Variants in PLEKHG1 observed in about 807,000 individuals in gnomAD.
The protein encoded by PLEKHG1 is pleckstrin homology and RhoGEF domain containing G1.
A neutral mutation model predicts 100.8 loss-of-function variants in PLEKHG1; 44 were observed. That is an observed-to-expected ratio of 0.44 (90% CI 0.34 to 0.56). The LOEUF (loss-of-function observed/expected upper bound fraction) is 0.56, where lower values mean the gene tolerates loss of function less well. Ranked by LOEUF, PLEKHG1 falls within the 20% of genes least tolerant of loss-of-function variation. PLEKHG1 has a pLI of 0.01. For synonymous variants in PLEKHG1, 640 were observed against 662.5 expected (o/e 0.97, Z 0.52); for missense variants, 1,545 against 1,720.9 (o/e 0.90, Z 1.81).
chr6:150,724,558 CTTT>C (rs34140367), intron 1 of PLEKHG1, among the ~76,000 whole-genome samples: 169 of 100,462 alleles, frequency 1.7e-3, no homozygotes, highest in African/African-American at 2.9e-3. Flanking sequence ...TTTTCTTTTT[CTTT>C]TTTTTTTTTT....
chr6:150,659,933 A>G (rs561771847), intron 3 of PLEKHG1, among the ~76,000 whole-genome samples: 1 of 152,320 alleles, frequency 6.6e-6, no homozygotes, highest in East Asian at 1.9e-4. Flanking sequence ...ACTACTCACA[A>G]ACTTTTTTGA....
At chr6:150,616,939 T>C (rs1777098431) in intron 1 of PLEKHG1, among the ~76,000 whole-genome samples, 1 of 152,230 alleles carries the variant, frequency 6.6e-6, no homozygotes, top group African/African-American at 2.4e-5. Context: ...TCTAGAATTA[T>C]GACCTCAATT....
At chr6:150,711,495 C>T (rs566322848) in intron 3 of PLEKHG1, among the ~76,000 whole-genome samples, 6 of 152,214 alleles carry the variant, frequency 3.9e-5, no homozygotes, top group East Asian at 1.9e-4. Context: ...AGGGTATGAT[C>T]GATGATTTGT....
At position 150,683,869 on chromosome 6, in the gene PLEKHG1, G is replaced by A; in HGVS notation, c.-99+33083G>A. Reference sequence around the variant, plus strand: ...GAGTGAAATATGGGAATATTGAAGGGGCCTGGGATGGAGGTAAGATGGAGC... The same window carrying A: ...GAGTGAAATATGGGAATATTGAAGGAGCCTGGGATGGAGGTAAGATGGAGC... On this transcript the variant is annotated intron_variant, in intron 3 of 3. Coordinates refer to the PLEKHG1 transcript ENST00000367326. The surrounding 1 kb of genome is among the most constrained non-coding windows in gnomAD (Gnocchi z 4.0). 1 of 1,242,008 alleles carries A rather than the reference G, an allele frequency of 8.1e-7. No individual in the cohort carries two copies. The highest frequency in any genetic ancestry group is 1.1e-6 in the Non-Finnish European group (1 of 951,512). The allele number at this position is 1,242,008 out of a possible 1,614,324, so 76.9% of individuals were successfully genotyped here.
intron 14 of PLEKHG1, chr6:150,827,817 A>C: frequency 2.1e-6 from 3 of 1,415,972 alleles, no homozygotes; most frequent in Non-Finnish European, 3.0e-6. Flanking sequence ...TGAAGATATG[A>C]CTTTGGAAGA....
In PLEKHG1 at chr6:150,827,541, G is replaced by T. The variant is rs370919489; in HGVS notation, c.1471-3041G>T. The T allele has an allele frequency of 1.2e-3, 700 of 588,524 alleles. 12 individuals are homozygous for T. The highest frequency in any genetic ancestry group is 0.012 in the South Asian group (625 of 53,912). 36.5% of individuals were successfully genotyped at this position (588,524 alleles called of 1,614,324 possible). A position where few individuals can be genotyped will look rare whatever the true frequency, so the allele number is the denominator to read the frequency against. ...TTCGCCCGCCTCTGCCTTCCAAAGT[G>T]CTGGGATTACAGGCGTGAGCCACTG... is the stretch of plus-strand genomic sequence containing the variant. On this transcript the variant is annotated intron_variant, in intron 14 of 15. Transcript: ENST00000358517.
At chr6:150,823,100 G>A (rs1776396264) in intron 13 of PLEKHG1, among the ~76,000 whole-genome samples, 5 of 152,196 alleles carry the variant, frequency 3.3e-5, no homozygotes, top group Admixed American at 3.3e-4. Flanking sequence ...GATCTGTGGA[G>A]AGGGAAGGAC....
intron 3 of PLEKHG1, among the ~76,000 whole-genome samples, chr6:150,675,419 C>T (rs1779722252): frequency 6.6e-6 from 1 of 152,220 alleles, no homozygotes; most frequent in Non-Finnish European, 1.5e-5. Flanking sequence ...CACACATGCT[C>T]ATCCATTCTT....
chr6:150,601,594 C>G (rs1188805097), intron 1 of PLEKHG1, among the ~76,000 whole-genome samples: 1 of 152,138 alleles, frequency 6.6e-6, no homozygotes, highest in Non-Finnish European at 1.5e-5. Context: ...ATTTGAGGTC[C>G]CAATTCTAAG....
chr6:150,827,627 G>A (rs746561364), intron 14 of PLEKHG1: 11 of 786,210 alleles, frequency 1.4e-5, no homozygotes, highest in Admixed American at 3.6e-5. Context: ...ATACTTCAGC[G>A]GCACAGCTGG....
chr6:150,640,539 TA>T (rs1159818647), intron 2 of PLEKHG1, among the ~76,000 whole-genome samples: 1 of 152,182 alleles, frequency 6.6e-6, no homozygotes, highest in Non-Finnish European at 1.5e-5. Context: ...CCTTCCTCTC[TA>T]AAAGATCTAT....
In PLEKHG1 at chr6:150,831,822, A is replaced by C; in HGVS notation, c.2711A>C (p.Lys904Thr). The change falls in exon 15 of 16, where the codon AAG becomes ACG. Residue 904 changes from lysine (K) to threonine (T), a missense_variant. Lys to Thr is a moderately conservative substitution (Grantham distance 78). Coordinates refer to ENST00000358517, the Ensembl canonical transcript of PLEKHG1. This position sits in a 1 kb window ranked among gnomAD's most constrained non-coding sequence, Gnocchi z 4.1. ...AGCCAGGCTCTCCTCACGCCCGTGA[A>C]GAGCAGGGCTGGCAGAGCCAGCCGC... 2 of 1,612,086 alleles carry C rather than the reference A, an allele frequency of 1.2e-6. 1 individual carries two copies. Among genetic ancestry groups the C allele is most frequent in the South Asian group, 2.2e-5 (2 of 91,030 alleles).
At chr6:150,775,924 C>G (rs556287703) in intron 3 of PLEKHG1, among the ~76,000 whole-genome samples, 1 of 152,072 alleles carries the variant, frequency 6.6e-6, no homozygotes, top group East Asian at 1.9e-4. Context: ...AATTTCTCTT[C>G]CATGCATATG....
intron 10 of PLEKHG1, among the ~76,000 whole-genome samples, chr6:150,815,095 T>C (rs1787786257): frequency 6.6e-6 from 1 of 152,276 alleles, no homozygotes; most frequent in Non-Finnish European, 1.5e-5. Context: ...GGATTATCAT[T>C]AAAGTGAACT....
At chr6:150,812,230 A>G (rs1211377217) in intron 10 of PLEKHG1, among the ~76,000 whole-genome samples, 2 of 152,178 alleles carry the variant, frequency 1.3e-5, no homozygotes, top group Admixed American at 6.6e-5. Flanking sequence ...GCTAAGGATC[A>G]GGAGACTCTT....
intron 1 of PLEKHG1, among the ~76,000 whole-genome samples, chr6:150,611,147 G>A (rs1776809999): frequency 6.6e-6 from 1 of 152,192 alleles, no homozygotes; most frequent in Non-Finnish European, 1.5e-5. Context: ...TCAGTTGTTT[G>A]CCTTGAATTT....
chr6:150,815,015 C>CCCAG (rs1291093312), intron 10 of PLEKHG1, among the ~76,000 whole-genome samples: 1 of 152,196 alleles, frequency 6.6e-6, no homozygotes, highest in African/African-American at 2.4e-5. Context: ...AGCCACCACA[C>CCCAG]CCAGCCTCAA....
chr6:150,600,269 G>C lies in PLEKHG1; in HGVS notation c.-204+252G>C, dbSNP rs933420431. Among the ~76,000 whole-genome samples the C allele has an allele frequency of 6.6e-6, 1 of 151,612 alleles. No homozygotes were observed. Among genetic ancestry groups the C allele is most frequent in the Admixed American group, 6.6e-5 (1 of 15,252 alleles). On this transcript the variant is annotated intron_variant, in intron 1 of 3. Transcript: ENST00000367326. The surrounding 1 kb of genome is among the most constrained non-coding windows in gnomAD (Gnocchi z 6.2). ...AGGGCGCTGGGGGGCGCCGCGTCTC[G>C]GGGGTCGGAGTCGGGTCGGGGATGC... is the stretch of plus-strand genomic sequence containing the variant.
chr6:150,828,856 A>G (rs1776757465), intron 14 of PLEKHG1, among the ~76,000 whole-genome samples: 1 of 152,226 alleles, frequency 6.6e-6, no homozygotes, highest in Non-Finnish European at 1.5e-5. Flanking sequence ...AAACCAGTGC[A>G]GTCTGAGTAA....
Sources: gnomAD v4.1 joint callset for allele counts (sites outside exome capture counted in the v4.1 genomes callset) on GRCh38, gnomAD v4.1.1 for gene constraint, Gnocchi (gnomAD v3.1) non-coding constraint, MANE v1.5 for transcripts, NCBI Gene and HGNC (gene_info 2026-07-23, HGNC 2026-07-21) for gene names.